C1QTNF3: variants seen among roughly 807,000 people sequenced by gnomAD.
C1QTNF3 encodes the protein complement C1q tumor necrosis factor-related protein 3.
C1QTNF3 carries 26 observed loss-of-function variants against 32.6 expected under a neutral mutation model. That is an observed-to-expected ratio of 0.80 (90% CI 0.58 to 1.11). The LOEUF is 1.11. C1QTNF3 is among the 50% of genes least tolerant of loss of function. The pLI is 0.00. For synonymous variants in C1QTNF3, 155 were observed against 146.0 expected (o/e 1.06, Z -0.44); for missense variants, 362 against 398.2 (o/e 0.91, Z 0.77).
At chr5:34,034,314 A>G (rs1270259278) in intron 2 of C1QTNF3, among the ~76,000 whole-genome samples, 2 of 152,250 alleles carry the variant, frequency 1.3e-5, no homozygotes, top group African/African-American at 4.8e-5. Context: ...TAAATGTGGA[A>G]CATGAGTAAT....
chr5:34,023,022 A>T (rs1466020054), intron 5 of C1QTNF3, among the ~76,000 whole-genome samples: 1 of 151,838 alleles, frequency 6.6e-6, no homozygotes, highest in African/African-American at 2.4e-5. Context: ...TGCCCGGGTA[A>T]TTTTTTGTAT....
intron 2 of C1QTNF3, among the ~76,000 whole-genome samples, chr5:34,034,648 G>A (rs950896511): frequency 6.6e-6 from 1 of 152,162 alleles, no homozygotes; most frequent in East Asian, 1.9e-4. Flanking sequence ...TGTGTTCAGT[G>A]ACAAAGCCAT....
At chr5:34,223,516 G>C in the C1QTNF3 span, among the ~76,000 whole-genome samples, 11,806 of 150,428 alleles carry the variant, frequency 0.078, 629 homozygotes, top group East Asian at 0.28. Context: ...ATGATTTATA[G>C]TCCTTTGGGT....
chr5:34,213,271 A>G, the C1QTNF3 span, among the ~76,000 whole-genome samples: 3 of 152,182 alleles, frequency 2.0e-5, no homozygotes, highest in African/African-American at 7.2e-5. Flanking sequence ...TGATCACTCT[A>G]TGAAGTTTGC....
the C1QTNF3 span, among the ~76,000 whole-genome samples, chr5:34,212,498 C>T: frequency 6.6e-6 from 1 of 151,902 alleles, no homozygotes; most frequent in African/African-American, 2.4e-5. Context: ...TTTTCACAAC[C>T]TACTCATCTG....
At chr5:34,153,764 C>T in the C1QTNF3 span, among the ~76,000 whole-genome samples, 1 of 100,048 alleles carries the variant, frequency 1.0e-5, no homozygotes, top group East Asian at 3.2e-4. Flanking sequence ...CTAGATGACA[C>T]ATTAGTGGGT....
At chr5:34,085,017 G>C in the C1QTNF3 span, among the ~76,000 whole-genome samples, 1 of 110,204 alleles carries the variant, frequency 9.1e-6, no homozygotes, top group East Asian at 2.7e-4. Flanking sequence ...TTGTGACAGA[G>C]TCTCACTCTG....
the C1QTNF3 span, among the ~76,000 whole-genome samples, chr5:34,102,738 C>T: frequency 3.3e-5 from 5 of 152,176 alleles, no homozygotes; most frequent in Admixed American, 6.5e-5. Flanking sequence ...AGCAAACTAT[C>T]GCAAGGACAA....
chr5:34,144,690 A>G, the C1QTNF3 span, among the ~76,000 whole-genome samples: 5 of 152,252 alleles, frequency 3.3e-5, no homozygotes, highest in African/African-American at 9.6e-5. Context: ...CTCTTCAGAG[A>G]ACATCAAAAT....
the C1QTNF3 span, among the ~76,000 whole-genome samples, chr5:34,112,206 C>T: frequency 1.3e-4 from 20 of 152,202 alleles, 1 homozygote; most frequent in East Asian, 3.9e-3. Flanking sequence ...ATATTATAGG[C>T]CATGGACAGA....
Position 34,043,174 on chromosome 5 carries a change from A to T in C1QTNF3, c.-49T>A, listed in dbSNP as rs766510528. 1.3e-6 allele frequency: 2 copies of T among 1,565,694 alleles called. No individual in the cohort carries two copies. Among genetic ancestry groups the T allele is most frequent in the Non-Finnish European group, 1.7e-6 (2 of 1,158,964 alleles). ...CTCCCTGAGAAGACAGCAGAGCTCC[A>T]GGAGCGTGGTCTCCTCGGGCAGATG... is the stretch of plus-strand genomic sequence containing the variant. On this transcript the variant is annotated 5_prime_UTR_variant, in exon 1 of 6. Coordinates refer to ENST00000382065, the MANE Select transcript of C1QTNF3 (RefSeq NM_181435.6).
chr5:34,201,815 A>C, the C1QTNF3 span, among the ~76,000 whole-genome samples: 13 of 152,342 alleles, frequency 8.5e-5, no homozygotes, highest in African/African-American at 2.9e-4. Flanking sequence ...ATACATATAC[A>C]ATAGGAAGAG....
chr5:34,180,389 C>T, the C1QTNF3 span, among the ~76,000 whole-genome samples: 839 of 137,436 alleles, frequency 6.1e-3, no homozygotes, highest in East Asian at 0.067. Flanking sequence ...AGGCAGCGCA[C>T]GTCTGTGGTC....
At chr5:34,221,288 T>A in the C1QTNF3 span, among the ~76,000 whole-genome samples, 4 of 152,100 alleles carry the variant, frequency 2.6e-5, no homozygotes, top group Admixed American at 2.0e-4. Context: ...ACTAACAACT[T>A]GATTGGTTTG....
chr5:34,050,222 C>T, the C1QTNF3 span, among the ~76,000 whole-genome samples: 2 of 152,168 alleles, frequency 1.3e-5, no homozygotes, highest in Non-Finnish European at 2.9e-5. Flanking sequence ...TTTAGGGTTC[C>T]ATAGACCTCT....
the C1QTNF3 span, among the ~76,000 whole-genome samples, chr5:34,132,431 G>GTATATATA: frequency 3.4e-5 from 1 of 29,376 alleles, no homozygotes; most frequent in African/African-American, 1.1e-4. Flanking sequence ...ATGTGTATGT[G>GTATATATA]TATGTATATA....
At chr5:34,129,771 T>A in the C1QTNF3 span, among the ~76,000 whole-genome samples, 19 of 151,894 alleles carry the variant, frequency 1.3e-4, no homozygotes, top group Admixed American at 3.3e-4. Flanking sequence ...TATTGGGTCT[T>A]CTAATAACAA....
chr5:34,238,349 T>C, the C1QTNF3 span, among the ~76,000 whole-genome samples: 1 of 152,072 alleles, frequency 6.6e-6, no homozygotes, highest in Admixed American at 6.6e-5. Context: ...TCATGAACAT[T>C]AAGGAGAAAG....
At chr5:34,074,863 T>C in the C1QTNF3 span, among the ~76,000 whole-genome samples, 1 of 151,582 alleles carries the variant, frequency 6.6e-6, no homozygotes, top group African/African-American at 2.4e-5. Flanking sequence ...TAAAATATGA[T>C]AGCAAAGCAT....
Sources: allele counts gnomAD v4.1 joint callset (sites outside exome capture counted in the v4.1 genomes callset), GRCh38; gene constraint gnomAD v4.1.1; transcripts MANE v1.5; gene names NCBI Gene and HGNC (gene_info 2026-07-23, HGNC 2026-07-21).